The following EML6 variants were observed in gnomAD, a reference collection of about 807,000 sequenced individuals.
EML6 encodes EMAP like 6, also known as echinoderm microtubule-associated protein-like 6.
EML6 carries 154 observed loss-of-function variants against 240.1 expected under a neutral mutation model. That is an observed-to-expected ratio of 0.64 (90% confidence interval 0.56 to 0.73). The LOEUF is 0.73. EML6 is among the 30% of genes least tolerant of loss of function. EML6 has a pLI of 0.00. For missense variants in EML6, 2,964 were observed against 2,474.6 expected, an observed-to-expected ratio of 1.20 and a Z score of -4.20; for synonymous variants, 1,148 against 899.0, an observed-to-expected ratio of 1.28 and a Z score of -4.95.
intron 41 of EML6, among the ~76,000 whole-genome samples, chr2:54,969,159 T>G (rs530688114): frequency 1.3e-3 from 193 of 152,260 alleles, no homozygotes; most frequent in African/African-American, 3.8e-3. Context: ...TTTTAAGAAC[T>G]CCCAGTTGAT....
At chr2:54,926,325 C>T (rs1033549835) in intron 26 of EML6, among the ~76,000 whole-genome samples, 7 of 152,258 alleles carry the variant, frequency 4.6e-5, no homozygotes, top group African/African-American at 9.6e-5. Context: ...TGGTCTTGAA[C>T]TCCTGACCTC....
chr2:54,838,273 A>C (rs968837380), intron 7 of EML6, among the ~76,000 whole-genome samples: 7 of 152,206 alleles, frequency 4.6e-5, no homozygotes, highest in Non-Finnish European at 8.8e-5. Flanking sequence ...ATCCTGACCT[A>C]GCACAAAACC....
chr2:54,829,522 T>A, intron 7 of EML6, 45 bp downstream of exon 7: 2 of 1,461,792 alleles, frequency 1.4e-6, no homozygotes, highest in Non-Finnish European at 1.9e-6. Flanking sequence ...ATGTGAAATA[T>A]AATGTGAAGT....
At chr2:54,921,606 A>G (rs1435637310) in intron 26 of EML6, among the ~76,000 whole-genome samples, 3 of 152,148 alleles carry the variant, frequency 2.0e-5, no homozygotes, top group Non-Finnish European at 2.9e-5. Flanking sequence ...TAACCACAAA[A>G]AACCTGAATA....
intron 28 of EML6, 141 bp downstream of exon 28, chr2:54,928,892 C>A: frequency 1.0e-6 from 1 of 996,240 alleles, no homozygotes; most frequent in South Asian, 1.7e-5. Flanking sequence ...CACCTGTACA[C>A]AGGCTTAAGC....
chr2:54,804,432 T>C (rs546651663), intron 2 of EML6, among the ~76,000 whole-genome samples: 1 of 152,330 alleles, frequency 6.6e-6, no homozygotes, highest in African/African-American at 2.4e-5. Flanking sequence ...TTAGGCAGTA[T>C]TTCTTCTTTT....
chr2:54,808,262 C>T (rs1670601778), intron 2 of EML6, among the ~76,000 whole-genome samples: 1 of 152,222 alleles, frequency 6.6e-6, no homozygotes. Context: ...CAGCCATCCC[C>T]ATCTGAGGTT....
chr2:54,847,260 C>T (rs908745738), intron 8 of EML6, among the ~76,000 whole-genome samples: 3 of 152,074 alleles, frequency 2.0e-5, no homozygotes, highest in Non-Finnish European at 4.4e-5. Flanking sequence ...AATGTTACCT[C>T]ATTTGATAAT....
At chr2:54,925,817 T>C (rs1674514478) in intron 26 of EML6, among the ~76,000 whole-genome samples, 1 of 152,166 alleles carries the variant, frequency 6.6e-6, no homozygotes, top group Non-Finnish European at 1.5e-5. Context: ...TTGCTTCCCA[T>C]AGCCTCCCTT....
At chr2:54,865,283 G>A (rs919255491) in intron 13 of EML6, among the ~76,000 whole-genome samples, 1 of 147,354 alleles carries the variant, frequency 6.8e-6, no homozygotes, top group Non-Finnish European at 1.5e-5. Context: ...GAGACCAGGA[G>A]CTTGAGACCA....
chr2:54,738,465 T>C (rs1270819095), intron 2 of EML6, among the ~76,000 whole-genome samples: 2 of 152,272 alleles, frequency 1.3e-5, no homozygotes, highest in African/African-American at 4.8e-5. Flanking sequence ...TATATCATAG[T>C]GTACAGCTGG....
rs1385542868 is a variant in EML6 at position 54,829,519 on chromosome 2, A to T, written c.847+42A>T. Reference sequence around the variant, plus strand: ...GCTTACCTGTAACTCTGGATGTGAAATATAATGTGAAGTTCTGTATTCATA... The same window carrying T: ...GCTTACCTGTAACTCTGGATGTGAATTATAATGTGAAGTTCTGTATTCATA... On this transcript the variant is annotated intron_variant, in intron 7 of 41. Transcript: ENST00000356458. 2.7e-6 allele frequency: 4 copies of T among 1,481,046 alleles called. No individual in the cohort carries two copies. In the African/African-American group the frequency reaches 5.6e-5, roughly 21 times the overall value. 91.7% of individuals were successfully genotyped at this position (1,481,046 alleles called of 1,614,324 possible).
intron 7 of EML6, 57 bp downstream of exon 7, chr2:54,829,534 C>A: frequency 2.2e-6 from 3 of 1,386,010 alleles, no homozygotes; most frequent in South Asian, 2.6e-5. Flanking sequence ...ATGTGAAGTT[C>A]TGTATTCATA....
intron 28 of EML6, among the ~76,000 whole-genome samples, chr2:54,930,343 C>A (rs1367138975): frequency 6.6e-6 from 1 of 152,156 alleles, no homozygotes; most frequent in Admixed American, 6.5e-5. Flanking sequence ...CCTCTTTGGG[C>A]AAATCTGTCA....
At chr2:54,856,650 A>G (rs957642909) in intron 11 of EML6, among the ~76,000 whole-genome samples, 12 of 152,212 alleles carry the variant, frequency 7.9e-5, no homozygotes, top group Non-Finnish European at 1.3e-4. Flanking sequence ...CAGTGTGGCT[A>G]GAACTTAGTG....
intron 28 of EML6, among the ~76,000 whole-genome samples, chr2:54,931,957 C>T (rs897265221): frequency 6.6e-6 from 1 of 152,174 alleles, no homozygotes; most frequent in Non-Finnish European, 1.5e-5. Context: ...ATTCCTAATT[C>T]CTAAATTTTA....
intron 2 of EML6, among the ~76,000 whole-genome samples, chr2:54,773,936 T>C (rs1238238288): frequency 6.6e-6 from 1 of 152,210 alleles, no homozygotes; most frequent in African/African-American, 2.4e-5. Flanking sequence ...ATTTGATGAC[T>C]GGCACAGGGC....
chr2:54,788,848 C>T (rs1431577712), intron 2 of EML6, among the ~76,000 whole-genome samples: 1 of 152,156 alleles, frequency 6.6e-6, no homozygotes, highest in African/African-American at 2.4e-5. Flanking sequence ...ATACATGTTT[C>T]ATTTCCATTG....
At position 54,922,287 on chromosome 2, in the gene EML6, A is replaced by G. The variant is rs764597674; in HGVS notation, c.3675+5352A>G. Among the ~76,000 whole-genome samples the G allele has an allele frequency of 5.3e-4, 81 of 152,270 alleles. 1 individual carries two copies. Among genetic ancestry groups the G allele is most frequent in the Non-Finnish European group, 1.5e-4 (10 of 68,042 alleles). On this transcript the variant is annotated intron_variant, in intron 26 of 41. Coordinates refer to ENST00000356458, the MANE Select transcript of EML6 (RefSeq NM_001039753.4). The stretch of plus-strand genomic sequence containing the variant: ...CTCCAAAGAAGACATAGAAATGGCC[A>G]ACAGGTATGTGAAAAGATGTTCAAC...
Sources: allele counts gnomAD v4.1 joint callset (sites outside exome capture counted in the v4.1 genomes callset), GRCh38; gene constraint gnomAD v4.1.1; transcripts MANE v1.5; gene names NCBI Gene and HGNC (gene_info 2026-07-23, HGNC 2026-07-21).